The following NAV3 variants were observed in gnomAD, a reference collection of about 807,000 sequenced individuals.
NAV3 encodes pore membrane and/or filament interacting like protein 1.
Under a neutral mutation model 244.7 loss-of-function variants are expected in NAV3, and 87 were observed. That is an observed-to-expected ratio of 0.36 (90% CI 0.30 to 0.42). The LOEUF is 0.42. Among genes scored for constraint, NAV3 ranks in the 20% least tolerant of loss-of-function variants. NAV3 has a pLI of 1.00. For synonymous variants in NAV3, 1,126 were observed against 1,042.2 expected, an observed-to-expected ratio of 1.08 and a Z score of -1.55; for missense variants, 2,663 against 2,893.3, an observed-to-expected ratio of 0.92 and a Z score of 1.83.
chr12:77,962,213 C>A (rs1338250009), intron 3 of NAV3, among the ~76,000 whole-genome samples: 1 of 152,076 alleles, frequency 6.6e-6, no homozygotes, highest in African/African-American at 2.4e-5. Context: ...TGTTCCTCTT[C>A]TTTTATGTCT....
chr12:78,007,056 C>T lies in NAV3; in HGVS notation c.1518C>T (p.Ile506=), dbSNP rs1378302814. The T allele has an allele frequency of 6.2e-7, 1 of 1,614,126 alleles. No homozygotes were observed. The highest frequency in any genetic ancestry group is 1.3e-5 in the African/African-American group (1 of 75,034). Residue 506 remains isoleucine (I), a synonymous_variant, in exon 8 of 40, where the codon ATC becomes ATT. Coordinates refer to ENST00000397909, the MANE Select transcript of NAV3 (RefSeq NM_001024383.2). ...PKKTSKIASL[I]PKGSKTTAAK... is the part of the protein sequence containing the mutation. ...AGACCTCCAAAATTGCAAGCTTGATCCCTAAGGGCAGCAAGACAACAGCAG... is the reference window on the plus strand; with the variant it reads ...AGACCTCCAAAATTGCAAGCTTGATTCCTAAGGGCAGCAAGACAACAGCAG...
intron 14 of NAV3, 116 bp from the exon 15 acceptor site, chr12:78,119,121 T>C (rs1955551929): frequency 3.6e-6 from 4 of 1,102,150 alleles, no homozygotes; most frequent in Non-Finnish European, 5.2e-6. Flanking sequence ...TCTAAGACAA[T>C]ACATTTAGGA....
At chr12:77,985,003 A>T (rs1438038990) in intron 5 of NAV3, among the ~76,000 whole-genome samples, 3 of 152,162 alleles carry the variant, frequency 2.0e-5, no homozygotes, top group African/African-American at 7.2e-5. Context: ...TTTTTAGTAC[A>T]GACAGGGTTT....
intron 9 of NAV3, among the ~76,000 whole-genome samples, chr12:78,031,975 A>G (rs1025593811): frequency 2.6e-5 from 4 of 152,180 alleles, no homozygotes; most frequent in African/African-American, 9.7e-5. Flanking sequence ...ACCTGCTAAC[A>G]GTGACCTCCA....
At chr12:78,101,510 A>C (rs1046883099) in intron 12 of NAV3, among the ~76,000 whole-genome samples, 1 of 152,170 alleles carries the variant, frequency 6.6e-6, no homozygotes, top group Non-Finnish European at 1.5e-5. Context: ...AAGGTATTTA[A>C]CATAAAATCA....
At chr12:77,657,229 A>G (rs1411340523) in intron 2 of NAV3, among the ~76,000 whole-genome samples, 1 of 152,214 alleles carries the variant, frequency 6.6e-6, no homozygotes, top group African/African-American at 2.4e-5. Context: ...TAAAGAAAAA[A>G]AGAGAGAAGA....
intron 19 of NAV3, among the ~76,000 whole-genome samples, chr12:78,139,715 C>T (rs930723059): frequency 1.3e-5 from 2 of 151,658 alleles, no homozygotes; most frequent in Non-Finnish European, 2.9e-5. Context: ...TTCTCTGAGA[C>T]ATCACCTTGA....
chr12:77,974,120 G>A (rs924989130), intron 5 of NAV3, among the ~76,000 whole-genome samples: 2 of 151,948 alleles, frequency 1.3e-5, no homozygotes, highest in African/African-American at 2.4e-5. Context: ...TTATATTATA[G>A]TAAAGGTGGG....
chr12:77,896,760 A>G (rs1884675385), intron 1 of NAV3, among the ~76,000 whole-genome samples: 1 of 152,202 alleles, frequency 6.6e-6, no homozygotes, highest in Non-Finnish European at 1.5e-5. Flanking sequence ...GTTGCCAGGT[A>G]GAACTTCAAG....
Position 78,173,041 on chromosome 12 carries a change from A to C in NAV3, c.4982-2265A>C, listed in dbSNP as rs371203902. ...TGGTGACACAGAGGATGGGAGATGG[A>C]AAATGACGAGTGAACAAACACATAC... On this transcript the variant is annotated intron_variant, in intron 24 of 39. Coordinates refer to ENST00000397909, the MANE Select transcript of NAV3 (RefSeq NM_001024383.2). 9.2e-5 allele frequency among the ~76,000 whole-genome samples: 14 copies of C among 151,790 alleles called. No individual in the cohort carries two copies. The East Asian group carries it at 1.6e-3, about 17-fold the overall frequency.
intron 2 of NAV3, among the ~76,000 whole-genome samples, chr12:77,586,396 G>A (rs377621782): frequency 1.3e-5 from 2 of 152,110 alleles, no homozygotes; most frequent in Non-Finnish European, 2.9e-5. Flanking sequence ...AGAAAGACTA[G>A]GGTTTCATTA....
At chr12:78,001,011 C>T (rs1045875165) in intron 7 of NAV3, among the ~76,000 whole-genome samples, 1 of 151,258 alleles carries the variant, frequency 6.6e-6, no homozygotes, top group African/African-American at 2.4e-5. Context: ...TATTCTATAT[C>T]CAAATGGTAC....
chr12:78,200,608 T>C lies in NAV3; in HGVS notation c.6834+17T>C. 2 of 1,319,798 alleles carry C rather than the reference T, an allele frequency of 1.5e-6. No homozygotes were observed. The highest frequency in any genetic ancestry group is 2.1e-6 in the Non-Finnish European group (2 of 967,744). 81.8% of individuals were successfully genotyped at this position (1,319,798 alleles called of 1,614,324 possible). A position where few individuals can be genotyped will look rare whatever the true frequency, so the allele number is the denominator to read the frequency against. On this transcript the variant is annotated intron_variant, in intron 38 of 39. Coordinates refer to ENST00000397909, the MANE Select transcript of NAV3 (RefSeq NM_001024383.2). ...GGTCTTCAGGTATAGTACTCAATTT[T>C]CATTGCTATTTTTTTTTAAAAAAAA...
chr12:78,093,970 A>G (rs1226782599), intron 12 of NAV3, among the ~76,000 whole-genome samples: 1 of 152,122 alleles, frequency 6.6e-6, no homozygotes, highest in Non-Finnish European at 1.5e-5. Context: ...CTTCTCCAGC[A>G]TCTGGTACTA....
chr12:78,173,629 A>G lies in NAV3; in HGVS notation c.4982-1677A>G, dbSNP rs192814111. Among the ~76,000 whole-genome samples, 511 of 151,676 alleles carry G rather than the reference A, an allele frequency of 3.4e-3. 1 individual carries two copies. Among genetic ancestry groups the G allele is most frequent in the African/African-American group, 0.011 (466 of 41,478 alleles). On this transcript the variant is annotated intron_variant, in intron 24 of 39. Transcript: ENST00000397909. The stretch of plus-strand genomic sequence containing the variant: ...CTTTATTGTTGAATTAAAACCTCCT[A>G]CATGAAAACCTTGATTTAGGTTTAG...
rs529803132 is a variant in NAV3, at chr12:78,188,054, G to A, written c.5791-194G>A. 9.9e-5 allele frequency among the ~76,000 whole-genome samples: 15 copies of A among 151,814 alleles called. No homozygotes were observed. In the South Asian group the frequency reaches 3.1e-3, roughly 31 times the overall value. On this transcript the variant is annotated intron_variant, in intron 31 of 39. Coordinates refer to ENST00000397909, the MANE Select transcript of NAV3 (RefSeq NM_001024383.2). The stretch of plus-strand genomic sequence containing the variant: ...TGTTGCTATTGCTGTTACTTTATTT[G>A]TTTGGTTGGTTAGTTGGCTGAAATA...
rs980017502 is a variant in NAV3, at chr12:77,951,325, A to G, written c.414+10192A>G. On this transcript the variant is annotated intron_variant, in intron 3 of 39. Coordinates refer to ENST00000397909, the MANE Select transcript of NAV3 (RefSeq NM_001024383.2). ...CCAACAGGCACATGAAAAAATGTTC[A>G]TCGTCACTGGCCATCAGAGAAATGC... 2.6e-5 allele frequency among the ~76,000 whole-genome samples: 4 copies of G among 152,256 alleles called. No individual in the cohort carries two copies. In the East Asian group the frequency reaches 5.8e-4, roughly 22 times the overall value.
intron 5 of NAV3, among the ~76,000 whole-genome samples, chr12:77,976,674 C>CTTTTTTTTTTTTTTTTTTTTT (rs869041498): frequency 1.8e-4 from 15 of 83,428 alleles, no homozygotes; most frequent in African/African-American, 2.1e-4. Context: ...TTCTTTTTTT[C>CTTTTTTTTTTTTTTTTTTTTT]TTTTTTTTTT....
chr12:77,937,530 A>G (rs1012448338), intron 1 of NAV3, among the ~76,000 whole-genome samples: 10 of 152,220 alleles, frequency 6.6e-5, no homozygotes, highest in African/African-American at 2.4e-4. Flanking sequence ...TAATGTTATC[A>G]TAAAACAAAA....
Sources: gnomAD v4.1 joint callset for allele counts (sites outside exome capture counted in the v4.1 genomes callset) on GRCh38, gnomAD v4.1.1 for gene constraint, MANE v1.5 for transcripts, NCBI Gene and HGNC (gene_info 2026-07-23, HGNC 2026-07-21) for gene names.